KCNQ1: variants seen among roughly 807,000 people sequenced by gnomAD.
KCNQ1 encodes potassium voltage-gated channel subfamily Q member 1, also known as potassium voltage-gated channel subfamily KQT member 1.
KCNQ1 carries 49 observed loss-of-function variants against 72.4 expected under a neutral mutation model. The observed-to-expected ratio is 0.68, with a 90% CI of 0.54 to 0.86. The LOEUF (loss-of-function observed/expected upper bound fraction) is 0.86, where lower values mean the gene tolerates loss of function less well. Ranked by LOEUF, KCNQ1 falls within the 40% of genes least tolerant of loss-of-function variation. The pLI, the probability that KCNQ1 is intolerant of heterozygous loss-of-function variation, is 0.00. For missense variants in KCNQ1, 790 were observed against 945.1 expected, an observed-to-expected ratio of 0.84 and a Z score of 2.15; for synonymous variants, 450 against 412.6, an observed-to-expected ratio of 1.09 and a Z score of -1.10.
chr11:2,730,265 G>T (rs1441298851), intron 11 of KCNQ1, among the ~76,000 whole-genome samples: 3 of 152,146 alleles, frequency 2.0e-5, no homozygotes, highest in Non-Finnish European at 4.4e-5. Context: ...GTTTTGAGAG[G>T]GACCATTTTA....
chr11:2,741,561 C>G (rs1846050784), intron 11 of KCNQ1, among the ~76,000 whole-genome samples: 2 of 152,184 alleles, frequency 1.3e-5, no homozygotes, highest in South Asian at 4.1e-4. Flanking sequence ...GCCCTCCCAG[C>G]TCACCCTCTT....
rs1393322907 is a variant in KCNQ1 at position 2,704,654 on chromosome 11, G to A, written c.1514+42573G>A. 6.6e-6 allele frequency among the ~76,000 whole-genome samples: 1 copy of A among 152,204 alleles called. No homozygotes were observed. Among genetic ancestry groups the A allele is most frequent in the South Asian group, 2.1e-4 (1 of 4,826 alleles). ...GCAGCAGGGTGAGGGGGAAGACTAC[G>A]GGGGACTTGCCGTCACCCAGTGAGA... On this transcript the variant is annotated intron_variant, in intron 11 of 15. Coordinates refer to ENST00000155840, the MANE Select transcript of KCNQ1 (RefSeq NM_000218.3). This position sits in a 1 kb window ranked among gnomAD's most constrained non-coding sequence, Gnocchi z 4.3.
intron 10 of KCNQ1, chr11:2,660,541 A>G (rs903615355): frequency 5.0e-6 from 2 of 398,534 alleles, no homozygotes; most frequent in Admixed American, 8.8e-5. Context: ...AAATTCCTAC[A>G]AAGTGATAAG....
At position 2,494,977 on chromosome 11, in the gene KCNQ1, T is replaced by A. The variant is rs2133633120; in HGVS notation, c.387-32951T>A. On this transcript the variant is annotated intron_variant, in intron 1 of 15. Transcript: ENST00000155840. The surrounding 1 kb of genome is among the most constrained non-coding windows in gnomAD (Gnocchi z 4.6). ...GTGAATCCGTCTGGTCCTGGGCTTT[T>A]TTTGGTTGGCAGGCTATTAATTACT... Among the ~76,000 whole-genome samples, 1 of 152,340 alleles carries A rather than the reference T, an allele frequency of 6.6e-6. No homozygotes were observed.
chr11:2,640,493 C>A (rs1849556168), intron 10 of KCNQ1: 4 of 398,076 alleles, frequency 1.0e-5, no homozygotes, highest in South Asian at 2.6e-4. Flanking sequence ...GCATTGTTGC[C>A]CAGGCTGGTC....
chr11:2,653,259 C>T lies in KCNQ1; in HGVS notation c.1394-8702C>T, dbSNP rs1273545302. The T allele has an allele frequency of 2.5e-6, 1 of 398,628 alleles. No individual in the cohort carries two copies. Among genetic ancestry groups the T allele is most frequent in the Non-Finnish European group, 4.4e-6 (1 of 226,152 alleles). The allele number at this position is 398,628 out of a possible 1,614,324, so 24.7% of individuals were successfully genotyped here. On this transcript the variant is annotated intron_variant, in intron 10 of 15. Coordinates refer to ENST00000155840, the MANE Select transcript of KCNQ1 (RefSeq NM_000218.3). The surrounding 1 kb of genome is among the most constrained non-coding windows in gnomAD (Gnocchi z 5.3). ...TCTTTCCCACAAGCCTTCTCCCTGCCCTCTGCCCTGAAAACTAGTGGGGGC... is the reference window on the plus strand; with the variant it reads ...TCTTTCCCACAAGCCTTCTCCCTGCTCTCTGCCCTGAAAACTAGTGGGGGC...
At position 2,848,535 on chromosome 11, in the gene KCNQ1, A is replaced by T; in HGVS notation, c.*532A>T. 2.2e-6 allele frequency: 1 copy of T among 454,410 alleles called. No homozygotes were observed. Among genetic ancestry groups the T allele is most frequent in the Non-Finnish European group, 4.4e-6 (1 of 226,992 alleles). 28.1% of individuals were successfully genotyped at this position (454,410 alleles called of 1,614,324 possible). ...TGGAGGGCCTGGGCCTGGCTCCCTCACTCTCAGGAAATGCTGACCCATGGG... is the reference window on the plus strand; with the variant it reads ...TGGAGGGCCTGGGCCTGGCTCCCTCTCTCTCAGGAAATGCTGACCCATGGG... On this transcript the variant is annotated 3_prime_UTR_variant, in exon 16 of 16. Coordinates refer to ENST00000155840, the MANE Select transcript of KCNQ1 (RefSeq NM_000218.3).
At position 2,611,226 on chromosome 11, in the gene KCNQ1, T is replaced by A. The variant is rs531990459; in HGVS notation, c.1393+22372T>A. 1 of 398,434 alleles carries A rather than the reference T, an allele frequency of 2.5e-6. No homozygotes were observed. Among genetic ancestry groups the A allele is most frequent in the Admixed American group, 4.4e-5 (1 of 22,738 alleles). The allele number at this position is 398,434 out of a possible 1,614,324, so 24.7% of individuals were successfully genotyped here. A position where few individuals can be genotyped will look rare whatever the true frequency, so the allele number is the denominator to read the frequency against. ...TATTTTGTCTGATTTTATTTATTTTTATTTTATTTTTGGGATGGAGTCTCA... is the reference window on the plus strand; with the variant it reads ...TATTTTGTCTGATTTTATTTATTTTAATTTTATTTTTGGGATGGAGTCTCA... On this transcript the variant is annotated intron_variant, in intron 10 of 15. Coordinates refer to ENST00000155840, the MANE Select transcript of KCNQ1 (RefSeq NM_000218.3). The surrounding 1 kb of genome is among the most constrained non-coding windows in gnomAD (Gnocchi z 5.3).
In KCNQ1 at chr11:2,662,026, G is replaced by GAGGACC; in HGVS notation, c.1460_1465dup (p.Asp488_Leu489insGlnAsp). On this transcript the variant is annotated inframe_insertion, in exon 11 of 16. Transcript: ENST00000155840. ...TTTCATGAGAACCAACAGCTTCGCC[G>GAGGACC]AGGACCTGGACCTGGAAGGGGAGAC... 2 of 1,614,208 alleles carry GAGGACC rather than the reference G, an allele frequency of 1.2e-6. No individual in the cohort carries two copies. Among genetic ancestry groups the GAGGACC allele is most frequent in the Non-Finnish European group, 1.7e-6 (2 of 1,180,022 alleles).
At position 2,715,925 on chromosome 11, in the gene KCNQ1, T is replaced by A. The variant is rs1053089639; in HGVS notation, c.1515-52919T>A. 3.9e-5 allele frequency among the ~76,000 whole-genome samples: 6 copies of A among 152,136 alleles called. No individual in the cohort carries two copies. Among genetic ancestry groups the A allele is most frequent in the Admixed American group, 3.9e-4 (6 of 15,276 alleles). ...GAGGGGGTGGCCAGAGTGGGAACCA[T>A]GGTGATGCAAACCATAAACCTGTCC... On this transcript the variant is annotated intron_variant, in intron 11 of 15. Coordinates refer to ENST00000155840, the MANE Select transcript of KCNQ1 (RefSeq NM_000218.3). The surrounding 1 kb of genome is among the most constrained non-coding windows in gnomAD (Gnocchi z 4.9).
chr11:2,500,809 G>A (rs192898719), intron 1 of KCNQ1, among the ~76,000 whole-genome samples: 3,235 of 151,150 alleles, frequency 0.021, 133 homozygotes, highest in African/African-American at 0.076. Flanking sequence ...TCACTCATAA[G>A]CGGGAGTTGA....
intron 10 of KCNQ1, among the ~76,000 whole-genome samples, chr11:2,594,625 T>C (rs959485829): frequency 1.3e-5 from 2 of 152,246 alleles, no homozygotes; most frequent in East Asian, 1.9e-4. Context: ...GAATTTTCTA[T>C]GCAGTTTCTA....
chr11:2,662,168 C>G, intron 11 of KCNQ1, 87 bp downstream of exon 11: 1 of 1,578,908 alleles, frequency 6.3e-7, no homozygotes, highest in Non-Finnish European at 8.7e-7. Flanking sequence ...GCCTTGCTCT[C>G]TGGCCAGAGT....
chr11:2,704,608 CAGAG>C lies in KCNQ1; in HGVS notation c.1514+42533_1514+42536del, dbSNP rs1850876906. ...TAGAAAGGTCACTCTGGCTGCTGAA[CAGAG>C]AGAGAACTGAAGAGAGGCAGCAGGG... On this transcript the variant is annotated intron_variant, in intron 11 of 15. Transcript: ENST00000155840. This position sits in a 1 kb window ranked among gnomAD's most constrained non-coding sequence, Gnocchi z 4.3. Among the ~76,000 whole-genome samples, 1 of 152,190 alleles carries C rather than the reference CAGAG, an allele frequency of 6.6e-6. No homozygotes were observed. Among genetic ancestry groups the C allele is most frequent in the South Asian group, 2.1e-4 (1 of 4,824 alleles).
chr11:2,529,167 C>T (rs1002251319), intron 2 of KCNQ1, among the ~76,000 whole-genome samples: 9 of 152,208 alleles, frequency 5.9e-5, no homozygotes, highest in Non-Finnish European at 7.3e-5. Flanking sequence ...GTAAACCAGA[C>T]GTCCAGAGGC....
intron 1 of KCNQ1, among the ~76,000 whole-genome samples, chr11:2,500,633 A>G (rs1266902252): frequency 6.6e-6 from 1 of 152,214 alleles, no homozygotes; most frequent in East Asian, 1.9e-4. Flanking sequence ...CCAAATGCCC[A>G]TCAATGATAG....
Position 2,475,076 on chromosome 11 carries a change from G to A in KCNQ1, c.386+29592G>A, listed in dbSNP as rs904684973. On this transcript the variant is annotated intron_variant, in intron 1 of 15. Coordinates refer to ENST00000155840, the MANE Select transcript of KCNQ1 (RefSeq NM_000218.3). This position sits in a 1 kb window ranked among gnomAD's most constrained non-coding sequence, Gnocchi z 5.8. Reference sequence around the variant, plus strand: ...CTTCGGTTTACTCGCAGTGCTAGGCGTCCGACACGTCTTTCTAATTCCTGA... The same window carrying A: ...CTTCGGTTTACTCGCAGTGCTAGGCATCCGACACGTCTTTCTAATTCCTGA... Among the ~76,000 whole-genome samples the A allele has an allele frequency of 2.0e-5, 3 of 152,152 alleles. No homozygotes were observed. The highest frequency in any genetic ancestry group is 7.2e-5 in the African/African-American group (3 of 41,430).
At chr11:2,742,209 G>C (rs981463409) in intron 11 of KCNQ1, among the ~76,000 whole-genome samples, 7 of 152,154 alleles carry the variant, frequency 4.6e-5, no homozygotes, top group East Asian at 1.9e-4. Context: ...GGGTGGCTTG[G>C]GGGGTACCAC....
chr11:2,791,241 G>A (rs993812132), intron 15 of KCNQ1, among the ~76,000 whole-genome samples: 10 of 152,320 alleles, frequency 6.6e-5, no homozygotes, highest in African/African-American at 1.9e-4. Flanking sequence ...CGCAGCGGCC[G>A]AGCCCTCACT....
Sources: allele counts gnomAD v4.1 joint callset (sites outside exome capture counted in the v4.1 genomes callset), GRCh38; gene constraint gnomAD v4.1.1; non-coding constraint Gnocchi (gnomAD v3.1); transcripts MANE v1.5; gene names NCBI Gene and HGNC (gene_info 2026-07-23, HGNC 2026-07-21).